The following RBMS2 variants were observed in gnomAD, a reference collection of about 807,000 sequenced individuals.
RBMS2 encodes RNA-binding motif, single-stranded-interacting protein 2.
In RBMS2, 38 loss-of-function variants were observed where a neutral mutation model predicts 58.4. That is an observed-to-expected ratio of 0.65 (90% CI 0.50 to 0.85). The LOEUF is 0.85. RBMS2 is among the 40% of genes least tolerant of loss of function. The pLI is 0.00. For synonymous variants in RBMS2, 151 were observed against 180.7 expected, an observed-to-expected ratio of 0.84 and a Z score of 1.32; for missense variants, 367 against 503.7, an observed-to-expected ratio of 0.73 and a Z score of 2.60.
intron 1 of RBMS2, among the ~76,000 whole-genome samples, chr12:56,550,886 G>A (rs1878148508): frequency 6.7e-6 from 1 of 150,342 alleles, no homozygotes. Flanking sequence ...AGGGAGGAAG[G>A]GAAGGGATAG....
At chr12:56,539,151 G>T (rs1875593845) in intron 1 of RBMS2, among the ~76,000 whole-genome samples, 1 of 151,930 alleles carries the variant, frequency 6.6e-6, no homozygotes. Flanking sequence ...AAGTAGCTGG[G>T]ATTACACGTG....
At chr12:56,537,358 C>T (rs1875103380) in intron 1 of RBMS2, among the ~76,000 whole-genome samples, 3 of 152,174 alleles carry the variant, frequency 2.0e-5, no homozygotes. Context: ...ATTCTCCTCT[C>T]CCTCCAGCCT....
intron 1 of RBMS2, among the ~76,000 whole-genome samples, chr12:56,557,347 C>T (rs1469434073): frequency 2.0e-5 from 3 of 152,110 alleles, no homozygotes; most frequent in African/African-American, 4.8e-5. Context: ...CATTTCTCCC[C>T]CCTTGTATTC....
chr12:56,555,547 G>A (rs1197429908), intron 1 of RBMS2, among the ~76,000 whole-genome samples: 2 of 151,634 alleles, frequency 1.3e-5, no homozygotes, highest in Non-Finnish European at 2.9e-5. Context: ...TTGAGGCTAG[G>A]AGTTCAAGAT....
chr12:56,574,294 T>A (rs1442692042), intron 5 of RBMS2, among the ~76,000 whole-genome samples: 1 of 152,234 alleles, frequency 6.6e-6, no homozygotes, highest in Non-Finnish European at 1.5e-5. Context: ...ATTCTAACTA[T>A]ACTTACTAAT....
chr12:56,545,065 T>C (rs1383070905), intron 1 of RBMS2, among the ~76,000 whole-genome samples: 2 of 152,098 alleles, frequency 1.3e-5, no homozygotes, highest in Non-Finnish European at 2.9e-5. Context: ...TTCACACTCC[T>C]TCCAGCCTTC....
chr12:56,587,254 T>G, intron 10 of RBMS2, among the ~76,000 whole-genome samples: 1 of 141,698 alleles, frequency 7.1e-6, no homozygotes, highest in African/African-American at 2.7e-5. Flanking sequence ...GCAATAAGAG[T>G]GAAACTCCGT....
intron 2 of RBMS2, among the ~76,000 whole-genome samples, chr12:56,566,484 T>C (rs11615723): frequency 0.021 from 3,156 of 152,300 alleles, 54 homozygotes; most frequent in Middle Eastern, 0.071. Context: ...AAGTTCCACA[T>C]GACTCTGCTA....
At chr12:56,552,904 C>T (rs1328714536) in intron 1 of RBMS2, among the ~76,000 whole-genome samples, 3 of 133,610 alleles carry the variant, frequency 2.2e-5, no homozygotes, top group Admixed American at 1.5e-4. Flanking sequence ...AATAGTTATT[C>T]TTTTAAAATT....
At chr12:56,588,746 T>C (rs1277908448) in intron 12 of RBMS2, 186 bp from the exon 13 acceptor site, 2 of 639,780 alleles carry the variant, frequency 3.1e-6, no homozygotes, top group Non-Finnish European at 5.6e-6. Context: ...TAATGCGTCT[T>C]GGGAAGAGGA....
intron 1 of RBMS2, among the ~76,000 whole-genome samples, chr12:56,535,182 ACTT>A (rs1444561607): frequency 6.6e-6 from 1 of 151,730 alleles, no homozygotes; most frequent in Non-Finnish European, 1.5e-5. Flanking sequence ...TTCTGTCTAT[ACTT>A]CTCTCTTCAT....
Position 56,588,984 on chromosome 12 carries a change from G to A in RBMS2, c.1196G>A (p.Gly399Glu). 2 of 1,614,170 alleles carry A rather than the reference G, an allele frequency of 1.2e-6. No individual in the cohort carries two copies. Among genetic ancestry groups the A allele is most frequent in the South Asian group, 2.2e-5 (2 of 91,080 alleles). The change falls in exon 13 of 14, where the codon GGG (glycine) becomes GAG (glutamate). Residue 399 changes from glycine (G) to glutamate (E), a missense_variant. By Grantham distance (98) the Gly-to-Glu change is moderately conservative. Around this residue, in one of 3 missense-constraint regions of RBMS2, gnomAD observed 220 missense variants for 261.1 expected, o/e 0.84. Transcript: ENST00000262031. ...GCAGTGGACGCACCCTCAGAGCATG[G>A]GGTCTATTCTTTCCAGTTCAACAAG... Reference protein sequence around the residue: ...QVAVDAPSEHGVYSFQFNK With the variant: ...QVAVDAPSEHEVYSFQFNK
intron 2 of RBMS2, among the ~76,000 whole-genome samples, chr12:56,567,022 G>A (rs1465792262): frequency 2.6e-5 from 4 of 152,154 alleles, no homozygotes; most frequent in Non-Finnish European, 5.9e-5. Flanking sequence ...CTATAGGATA[G>A]TAAAGCCACT....
At chr12:56,548,213 A>G (rs1042102988) in intron 1 of RBMS2, among the ~76,000 whole-genome samples, 1 of 151,890 alleles carries the variant, frequency 6.6e-6, no homozygotes, top group African/African-American at 2.4e-5. Context: ...GGAGGCTGCC[A>G]AGGTGGGCAG....
intron 9 of RBMS2, among the ~76,000 whole-genome samples, chr12:56,583,797 T>C (rs893112202): frequency 1.3e-5 from 2 of 152,374 alleles, no homozygotes; most frequent in Middle Eastern, 3.4e-3. Context: ...GCTATTCATA[T>C]GCTTTGTCCA....
chr12:56,530,473 A>T (rs1873529425), intron 1 of RBMS2, among the ~76,000 whole-genome samples: 1 of 140,844 alleles, frequency 7.1e-6, no homozygotes, highest in Non-Finnish European at 1.5e-5. Context: ...CGATTCTCCT[A>T]CCTTGGCCTC....
At position 56,544,765 on chromosome 12, in the gene RBMS2, TTTC is replaced by T. The variant is rs1171595155; in HGVS notation, c.67-17649_67-17647del. ...CCAGCTAATTTTTAATTTTTTTTTTTTTCTTTTTTGTAGAGCTGGGACTTTGCC... is the reference window on the plus strand; with the variant it reads ...CCAGCTAATTTTTAATTTTTTTTTTTTTTTTTGTAGAGCTGGGACTTTGCC... On this transcript the variant is annotated intron_variant, in intron 1 of 13. Transcript: ENST00000262031. Among the ~76,000 whole-genome samples the T allele has an allele frequency of 4.8e-4, 67 of 138,394 alleles. 7 individuals carry two copies. The East Asian group carries it at 8.5e-3, about 18-fold the overall frequency. 90.8% of individuals were successfully genotyped at this position (138,394 alleles called of 152,430 possible).
chr12:56,565,776 G>A (rs970915662), intron 2 of RBMS2, among the ~76,000 whole-genome samples: 1 of 152,106 alleles, frequency 6.6e-6, no homozygotes, highest in African/African-American at 2.4e-5. Context: ...CTGGGTTGTA[G>A]AGGAAGTAAA....
chr12:56,524,976 C>T (rs1410545569), intron 1 of RBMS2, among the ~76,000 whole-genome samples: 1 of 151,078 alleles, frequency 6.6e-6, no homozygotes, highest in Non-Finnish European at 1.5e-5. Context: ...CCTGCCTCGG[C>T]CTCCCAAAGT....
Sources: allele counts gnomAD v4.1 joint callset (sites outside exome capture counted in the v4.1 genomes callset), GRCh38; gene constraint gnomAD v4.1.1; regional missense constraint gnomAD v4.1.1; transcripts MANE v1.5; gene names NCBI Gene and HGNC (gene_info 2026-07-23, HGNC 2026-07-21).